Variants in POLH observed in about 807,000 individuals in gnomAD.
POLH encodes DNA polymerase eta.
POLH carries 53 observed loss-of-function variants against 73.6 expected under a neutral mutation model. The ratio of observed to expected loss-of-function variants is 0.72; its 90% CI spans 0.58 to 0.91. POLH has a LOEUF of 0.91. POLH is among the 40% of genes least tolerant of loss of function. POLH has a pLI of 0.00. For synonymous variants in POLH, 292 were observed against 308.5 expected, an observed-to-expected ratio of 0.95 and a Z score of 0.56; for missense variants, 768 against 865.4, an observed-to-expected ratio of 0.89 and a Z score of 1.41.
At chr6:43,586,915 A>G (rs1473049416) in intron 3 of POLH, among the ~76,000 whole-genome samples, 2 of 152,184 alleles carry the variant, frequency 1.3e-5, no homozygotes, top group Non-Finnish European at 2.9e-5. Flanking sequence ...TTCTTGGTGG[A>G]TATATGAAAA....
At chr6:43,593,896 A>AGAAAGAAAG (rs796309384) in intron 4 of POLH, among the ~76,000 whole-genome samples, 1 of 146,092 alleles carries the variant, frequency 6.8e-6, no homozygotes, top group African/African-American at 2.5e-5. Flanking sequence ...AAAAAAAAAA[A>AGAAAGAAAG]AAAGAAAGAA....
rs1422041536 is a variant in POLH, at chr6:43,582,338, C to G, written c.19C>G (p.Arg7Gly). 9 of 1,614,078 alleles carry G rather than the reference C, an allele frequency of 5.6e-6. No individual in the cohort carries two copies. Among genetic ancestry groups the G allele is most frequent in the Non-Finnish European group, 6.8e-6 (8 of 1,179,962 alleles). MATGQDRVVALVDMDCF... is the reference protein window; with the variant it reads MATGQDGVVALVDMDCF... Reference sequence around the variant, plus strand: ...CAGAAAAATGGCTACTGGACAGGATCGAGTGGTTGCTCTCGTGGACATGGA... The same window carrying G: ...CAGAAAAATGGCTACTGGACAGGATGGAGTGGTTGCTCTCGTGGACATGGA... The change falls in exon 2 of 11, where the codon CGA (arginine) becomes GGA (glycine). Residue 7 changes from arginine to glycine, a missense_variant. Arg to Gly is a moderately radical substitution (Grantham distance 125). Transcript: ENST00000372236.
rs768154089 is a variant in POLH at position 43,614,814 on chromosome 6, G to T, written c.*257G>T. The T allele has an allele frequency of 1.9e-5, 9 of 462,362 alleles. No individual in the cohort carries two copies. The highest frequency in any genetic ancestry group is 3.9e-5 in the African/African-American group (2 of 50,852). The allele number at this position is 462,362 out of a possible 1,614,324, so 28.6% of individuals were successfully genotyped here. A position where few individuals can be genotyped will look rare whatever the true frequency, so the allele number is the denominator to read the frequency against. On this transcript the variant is annotated 3_prime_UTR_variant, in exon 11 of 11. Coordinates refer to ENST00000372236, the MANE Select transcript of POLH (RefSeq NM_006502.3). The stretch of plus-strand genomic sequence containing the variant: ...GCATTTAGGGAGGCAGTGTCATAAA[G>T]TAAAAAGTGTGTGGGCCTTGGAGTC...
At chr6:43,603,236 C>T (rs1350405523) in intron 6 of POLH, among the ~76,000 whole-genome samples, 1 of 152,046 alleles carries the variant, frequency 6.6e-6, no homozygotes, top group Non-Finnish European at 1.5e-5. Context: ...AAGTGATCCT[C>T]CCACCTCAGC....
chr6:43,614,046 TTAA>T lies in POLH; in HGVS notation c.1636_1638del (p.Asn546del), dbSNP rs1293546541. On this transcript the variant is annotated inframe_deletion, in exon 11 of 11. Transcript: ENST00000372236. ...AGTCTGCTTCTAAAGCAGAAACAGC[TTAA>T]TAATTCTTCAGTTTCTTCCCCCCAA... The T allele has an allele frequency of 3.7e-6, 6 of 1,614,210 alleles. No individual in the cohort carries two copies. Among genetic ancestry groups the T allele is most frequent in the South Asian group, 3.3e-5 (3 of 91,088 alleles).
At chr6:43,585,686 C>T (rs1764728297) in intron 3 of POLH, among the ~76,000 whole-genome samples, 1 of 140,850 alleles carries the variant, frequency 7.1e-6, no homozygotes, top group Non-Finnish European at 1.5e-5. Context: ...ACTCTTGTTG[C>T]CCAGGCTAGG....
rs983797581 is a variant in POLH, at chr6:43,618,687, A to G, written c.*4130A>G. Among the ~76,000 whole-genome samples the G allele has an allele frequency of 4.0e-5, 6 of 151,276 alleles. No individual in the cohort carries two copies. The highest frequency in any genetic ancestry group is 1.5e-4 in the African/African-American group (6 of 41,140). On this transcript the variant is annotated 3_prime_UTR_variant, in exon 11 of 11. Coordinates refer to ENST00000372236, the MANE Select transcript of POLH (RefSeq NM_006502.3). ...CTCTCATCGCCCCGGCTGGAATGCA[A>G]TGGCACGATCTCGGCTCACTGCAAC...
intron 1 of POLH, among the ~76,000 whole-genome samples, chr6:43,578,756 A>G (rs1027786120): frequency 6.6e-6 from 1 of 151,914 alleles, no homozygotes; most frequent in Non-Finnish European, 1.5e-5. Flanking sequence ...GACATTTTTC[A>G]TGAATGCTAT....
chr6:43,595,532 G>A (rs1252438388), intron 4 of POLH, among the ~76,000 whole-genome samples: 1 of 152,126 alleles, frequency 6.6e-6, no homozygotes, highest in Non-Finnish European at 1.5e-5. Flanking sequence ...CGGATCACGA[G>A]GTCAGAAGAT....
In POLH at chr6:43,597,815, A is replaced by G. The variant is rs770881756; in HGVS notation, c.610A>G (p.Ile204Val). ...AVIVEEMRAA[I>V]ERETGFQCSA... ...GATTGTGGAGGAAATGAGAGCAGCC[A>G]TAGAGAGGGAGACTGGTTTTCAGTG... Residue 204 changes from isoleucine (I) to valine (V), a missense_variant, in exon 5 of 11, where the codon ATA becomes GTA. Transcript: ENST00000372236. 8.1e-6 allele frequency: 13 copies of G among 1,613,874 alleles called. No individual in the cohort carries two copies. In the East Asian group the frequency reaches 1.6e-4, roughly 19 times the overall value.
rs1264623920 is a variant in POLH, at chr6:43,616,154, C to T, written c.*1597C>T. On this transcript the variant is annotated 3_prime_UTR_variant, in exon 11 of 11. Coordinates refer to ENST00000372236, the MANE Select transcript of POLH (RefSeq NM_006502.3). The stretch of plus-strand genomic sequence containing the variant: ...AATTAGCCGGGTGCGGTGGCAGGCG[C>T]CTGTAGTCCCAGCTACTCGGGAGGC... 6.6e-6 allele frequency among the ~76,000 whole-genome samples: 1 copy of T among 151,910 alleles called. No individual in the cohort carries two copies. Among genetic ancestry groups the T allele is most frequent in the Non-Finnish European group, 1.5e-5 (1 of 67,980 alleles).
chr6:43,600,095 T>C (rs1582301810), intron 5 of POLH, among the ~76,000 whole-genome samples: 1 of 149,204 alleles, frequency 6.7e-6, no homozygotes, highest in South Asian at 2.1e-4. Flanking sequence ...GAGGTGGAGG[T>C]TGCAGTGAGC....
intron 10 of POLH, among the ~76,000 whole-genome samples, chr6:43,612,877 C>T (rs1039216558): frequency 4.0e-5 from 6 of 150,738 alleles, no homozygotes; most frequent in African/African-American, 1.5e-4. Flanking sequence ...TCTCCGCTCA[C>T]TGCAACCTCT....
intron 1 of POLH, among the ~76,000 whole-genome samples, chr6:43,579,416 A>G (rs1176316967): frequency 6.6e-6 from 1 of 152,208 alleles, no homozygotes; most frequent in Non-Finnish European, 1.5e-5. Context: ...TATCCAATGA[A>G]GTTTCCATAA....
At chr6:43,607,150 A>C (rs900226982) in intron 9 of POLH, among the ~76,000 whole-genome samples, 1 of 152,252 alleles carries the variant, frequency 6.6e-6, no homozygotes, top group African/African-American at 2.4e-5. Flanking sequence ...GCCAGAGTGC[A>C]GTAGTGCAGT....
rs1204838343 is a variant in POLH, at chr6:43,576,346, T to A, written c.-99T>A. The A allele has an allele frequency of 6.5e-6, 1 of 152,678 alleles. No individual in the cohort carries two copies. Among genetic ancestry groups the A allele is most frequent in the Non-Finnish European group, 1.5e-5 (1 of 68,378 alleles). 9.5% of individuals were successfully genotyped at this position (152,678 alleles called of 1,614,324 possible). On this transcript the variant is annotated 5_prime_UTR_variant, in exon 1 of 11. Coordinates refer to ENST00000372236, the MANE Select transcript of POLH (RefSeq NM_006502.3). ...GACCGCTCCTAGAAAGGCGAAAAGA[T>A]ATTCAGGAGCCCTTCCATTTTCCTT...
chr6:43,593,963 T>G (rs1185312474), intron 4 of POLH, among the ~76,000 whole-genome samples: 1 of 152,108 alleles, frequency 6.6e-6, no homozygotes, highest in African/African-American at 2.4e-5. Context: ...CCTGAAGTAT[T>G]TCCTGTAGTC....
rs1206635418 is a variant in POLH, at chr6:43,616,026, C to T, written c.*1469C>T. Among the ~76,000 whole-genome samples the T allele has an allele frequency of 8.5e-5, 13 of 152,202 alleles. No individual in the cohort carries two copies. The highest frequency in any genetic ancestry group is 2.6e-4 in the African/African-American group (11 of 41,560). ...TCTCTTGGCCGGGCGCAGTGGCTCA[C>T]GCCTGCAATCCCAGCACTTTGGGAG... is the stretch of plus-strand genomic sequence containing the variant. On this transcript the variant is annotated 3_prime_UTR_variant, in exon 11 of 11. Transcript: ENST00000372236.
chr6:43,577,029 T>A lies in POLH; in HGVS notation c.-5+589T>A, dbSNP rs1459530476. Among the ~76,000 whole-genome samples the A allele has an allele frequency of 2.0e-5, 3 of 152,078 alleles. No individual in the cohort carries two copies. The East Asian group carries it at 5.8e-4, about 29-fold the overall frequency. On this transcript the variant is annotated intron_variant, in intron 1 of 10. Coordinates refer to ENST00000372236, the MANE Select transcript of POLH (RefSeq NM_006502.3). ...AAATTATGTTTGCATTTTTAGTATT[T>A]TTATACAGGCGTGGCGGTGCGCGCC... is the stretch of plus-strand genomic sequence containing the variant.
Sources: allele counts gnomAD v4.1 joint callset (sites outside exome capture counted in the v4.1 genomes callset), GRCh38; gene constraint gnomAD v4.1.1; transcripts MANE v1.5; gene names NCBI Gene and HGNC (gene_info 2026-07-23, HGNC 2026-07-21).